The following FBXO38 variants were observed in gnomAD, a reference collection of about 807,000 sequenced individuals.
FBXO38 encodes the protein F-box protein 38.
FBXO38 carries 53 observed loss-of-function variants against 131.9 expected under a neutral mutation model. The observed-to-expected ratio is 0.40, with a 90% CI of 0.32 to 0.51. FBXO38 has a LOEUF of 0.51. Among genes scored for constraint, FBXO38 ranks in the 20% least tolerant of loss-of-function variants. FBXO38 has a pLI of 0.53. For missense variants in FBXO38, 1,076 were observed against 1,475.6 expected, an observed-to-expected ratio of 0.73 and a Z score of 4.44; for synonymous variants, 452 against 505.6, an observed-to-expected ratio of 0.89 and a Z score of 1.42.
chr5:148,395,640 A>G (rs907995211), intron 2 of FBXO38, among the ~76,000 whole-genome samples: 1 of 152,128 alleles, frequency 6.6e-6, no homozygotes, highest in South Asian at 2.1e-4. Flanking sequence ...GCTCTAGACT[A>G]ATGATAGACA....
At chr5:148,395,047 G>C in intron 2 of FBXO38, 143 bp downstream of exon 2, 1 of 841,962 alleles carries the variant, frequency 1.2e-6, no homozygotes, top group Admixed American at 3.1e-5. Context: ...TTCGTCAGTT[G>C]CACTGGCTAC....
chr5:148,405,211 T>C (rs1752378522), intron 6 of FBXO38, among the ~76,000 whole-genome samples: 1 of 152,208 alleles, frequency 6.6e-6, no homozygotes. Context: ...CAGAAATCTT[T>C]AGTGTCCCTG....
intron 12 of FBXO38, among the ~76,000 whole-genome samples, chr5:148,418,129 T>C (rs1267660299): frequency 6.6e-6 from 1 of 152,184 alleles, no homozygotes; most frequent in Non-Finnish European, 1.5e-5. Context: ...TCACTAGTGA[T>C]TGTCTTACTG....
At position 148,442,247 on chromosome 5, in the gene FBXO38, C is replaced by T. The variant is rs1754728627; in HGVS notation, c.*100C>T. On this transcript the variant is annotated 3_prime_UTR_variant, in exon 22 of 22. Coordinates refer to ENST00000340253, the MANE Select transcript of FBXO38 (RefSeq NM_205836.3). Reference sequence around the variant, plus strand: ...GACTTGAGGCATGCAGTTGGGAGGTCCTGGCTCGGTTTGCTATATAGGGAA... The same window carrying T: ...GACTTGAGGCATGCAGTTGGGAGGTTCTGGCTCGGTTTGCTATATAGGGAA... 9.2e-7 allele frequency: 1 copy of T among 1,092,662 alleles called. No individual in the cohort carries two copies. Among genetic ancestry groups the T allele is most frequent in the African/African-American group, 1.6e-5 (1 of 63,788 alleles). The allele number at this position is 1,092,662 out of a possible 1,614,324, so 67.7% of individuals were successfully genotyped here.
Position 148,441,229 on chromosome 5 carries a change from A to G in FBXO38, c.3380A>G (p.Asp1127Gly). 6.2e-7 allele frequency: 1 copy of G among 1,612,270 alleles called. No homozygotes were observed. ...NSFARYDFEDDEESTIYAPRR... is the reference protein window; with the variant it reads ...NSFARYDFEDGEESTIYAPRR... ...TTCGCTCGATACGACTTTGAAGACG[A>G]TGAAGAAAGTAATTATGACCTGACT... is the stretch of plus-strand genomic sequence containing the variant. The change falls in exon 21 of 22, where the codon GAT becomes GGT. Residue 1127 changes from aspartate (D) to glycine (G), a missense_variant. Physicochemically the swap from Asp to Gly is moderately conservative, Grantham distance 94 (BLOSUM62 -1). This residue lies in a region of FBXO38 where 282 missense variants were observed against 418.8 expected (regional missense o/e 0.67). Coordinates refer to ENST00000340253, the MANE Select transcript of FBXO38 (RefSeq NM_205836.3).
chr5:148,412,249 T>G (rs939210098), intron 9 of FBXO38, among the ~76,000 whole-genome samples: 2 of 152,182 alleles, frequency 1.3e-5, no homozygotes, highest in African/African-American at 4.8e-5. Flanking sequence ...GCATACTATC[T>G]TCTGTCCCTC....
At chr5:148,396,948 T>C (rs1016076863) in intron 2 of FBXO38, among the ~76,000 whole-genome samples, 16 of 152,106 alleles carry the variant, frequency 1.1e-4, no homozygotes, top group East Asian at 9.6e-4. Flanking sequence ...TATAACATTG[T>C]GCAGTTCAAA....
intron 10 of FBXO38, 129 bp downstream of exon 10, chr5:148,414,435 C>T: frequency 1.1e-6 from 1 of 882,800 alleles, no homozygotes; most frequent in South Asian, 1.9e-5. Context: ...ATTGTTCATA[C>T]AAGTTCTGGT....
rs142404511 is a variant in FBXO38, at chr5:148,419,341, C to T, written c.1618+2137C>T. 4.2e-3 allele frequency among the ~76,000 whole-genome samples: 643 copies of T among 151,734 alleles called. 5 individuals carry two copies. Among genetic ancestry groups the T allele is most frequent in the African/African-American group, 0.014 (583 of 41,388 alleles). On this transcript the variant is annotated intron_variant, in intron 12 of 21. Transcript: ENST00000340253. ...TTGTATCTGTTATTAAACATGTATACACACACACACAACACACACACACAT... is the reference window on the plus strand; with the variant it reads ...TTGTATCTGTTATTAAACATGTATATACACACACACAACACACACACACAT...
intron 10 of FBXO38, among the ~76,000 whole-genome samples, chr5:148,415,707 A>T (rs1421776600): frequency 6.6e-6 from 1 of 152,172 alleles, no homozygotes; most frequent in Non-Finnish European, 1.5e-5. Context: ...ATCAGGGCTG[A>T]TTGGATTCAA....
At chr5:148,417,382 C>A (rs1210093659) in intron 12 of FBXO38, among the ~76,000 whole-genome samples, 178 bp downstream of exon 12, 2 of 152,088 alleles carry the variant, frequency 1.3e-5, no homozygotes, top group African/African-American at 4.8e-5. Context: ...TTGCTTGTTT[C>A]AAAACTGCTT....
At chr5:148,412,643 C>G (rs1752828349) in intron 9 of FBXO38, among the ~76,000 whole-genome samples, 1 of 151,962 alleles carries the variant, frequency 6.6e-6, no homozygotes, top group African/African-American at 2.4e-5. Flanking sequence ...CAATTTAGTC[C>G]TAGAGCTTGA....
At chr5:148,422,037 A>G (rs1454783550) in intron 12 of FBXO38, among the ~76,000 whole-genome samples, 1 of 147,832 alleles carries the variant, frequency 6.8e-6, no homozygotes, top group East Asian at 2.0e-4. Context: ...CCACTACATC[A>G]GACCTTTCTC....
At chr5:148,384,299 G>A (rs1331923576) in intron 1 of FBXO38, among the ~76,000 whole-genome samples, 1 of 152,148 alleles carries the variant, frequency 6.6e-6, no homozygotes, top group Admixed American at 6.5e-5. Context: ...ACTCTCTCTG[G>A]GCCCCAGTTT....
At chr5:148,416,725 C>T (rs1350413868) in intron 11 of FBXO38, 7 of 401,778 alleles carry the variant, frequency 1.7e-5, no homozygotes, top group East Asian at 1.4e-4. Flanking sequence ...TTTCAAATTG[C>T]GGCTCTACCA....
rs1481072164 is a variant in FBXO38, at chr5:148,409,109, G to T, written c.869-15G>T. On this transcript the variant is annotated splice_polypyrimidine_tract_variant and intron_variant, in intron 7 of 21. Transcript: ENST00000340253. ...ATGCTATGGTCAAACACTTGTTTTT[G>T]TTCCTCGTCTTTAGGTGGTTTTAGA... 2 of 1,524,604 alleles carry T rather than the reference G, an allele frequency of 1.3e-6. No individual in the cohort carries two copies. The highest frequency in any genetic ancestry group is 1.8e-6 in the Non-Finnish European group (2 of 1,098,720). 94.4% of individuals were successfully genotyped at this position (1,524,604 alleles called of 1,614,324 possible). A position where few individuals can be genotyped will look rare whatever the true frequency, so the allele number is the denominator to read the frequency against.
At chr5:148,418,426 T>C (rs891779665) in intron 12 of FBXO38, among the ~76,000 whole-genome samples, 2 of 152,198 alleles carry the variant, frequency 1.3e-5, no homozygotes, top group Non-Finnish European at 2.9e-5. Flanking sequence ...TGTATACTTT[T>C]CTGAAGTAAA....
intron 13 of FBXO38, among the ~76,000 whole-genome samples, chr5:148,424,556 A>T (rs1217066482): frequency 1.3e-5 from 2 of 152,210 alleles, no homozygotes; most frequent in Non-Finnish European, 2.9e-5. Context: ...GACAGGATAT[A>T]GAGTCTTAGG....
intron 5 of FBXO38, among the ~76,000 whole-genome samples, chr5:148,403,087 A>G (rs1023055958): frequency 2.0e-5 from 3 of 152,162 alleles, no homozygotes; most frequent in African/African-American, 7.2e-5. Flanking sequence ...GCAACCCTTC[A>G]TTTATAAGAT....
Sources: allele counts gnomAD v4.1 joint callset (sites outside exome capture counted in the v4.1 genomes callset), GRCh38; gene constraint gnomAD v4.1.1; regional missense constraint gnomAD v4.1.1; transcripts MANE v1.5; gene names NCBI Gene and HGNC (gene_info 2026-07-23, HGNC 2026-07-21).